ACO1: variants seen among roughly 807,000 people sequenced by gnomAD.
ACO1 encodes the protein aconitase 1.
In ACO1, 78 loss-of-function variants were observed where a neutral mutation model predicts 105.1. The observed-to-expected ratio is 0.74, with a 90% CI of 0.62 to 0.90. The LOEUF (loss-of-function observed/expected upper bound fraction) is 0.90. ACO1 is among the 40% of genes least tolerant of loss of function. The pLI is 0.00. For synonymous variants in ACO1, 364 were observed against 397.4 expected, an observed-to-expected ratio of 0.92 and a Z score of 1.00; for missense variants, 965 against 1,111.1, an observed-to-expected ratio of 0.87 and a Z score of 1.87.
rs1209199331 is a variant in ACO1, at chr9:32,434,770, T to C, written c.2099+69T>C. ...GAATGGAGTTAATGAGGCCAGCATT[T>C]CTCTTTTCACCTGGCCCTTTGGAAT... is the stretch of plus-strand genomic sequence containing the variant. On this transcript the variant is annotated intron_variant, in intron 17 of 20. Coordinates refer to ENST00000309951, the MANE Select transcript of ACO1 (RefSeq NM_002197.3). 6 of 1,569,456 alleles carry C rather than the reference T, an allele frequency of 3.8e-6. No individual in the cohort carries two copies. In the East Asian group the frequency reaches 1.4e-4, roughly 35 times the overall value.
chr9:32,408,519 T>C lies in ACO1; in HGVS notation c.272T>C (p.Val91Ala). ...TATTCTCTTTCTTCTCTTAGGGGTG[T>C]GCCCGCTGTGGTTGACTTTGCTGCA... ...ARVILQDFTG[V>A]PAVVDFAAMR... is the part of the protein sequence containing the mutation. The change falls in exon 4 of 21, where the codon GTG (valine) becomes GCG (alanine). Residue 91 changes from valine to alanine, a missense_variant. Transcript: ENST00000309951. The C allele has an allele frequency of 1.2e-6, 2 of 1,614,124 alleles. No homozygotes were observed. The highest frequency in any genetic ancestry group is 1.7e-6 in the Non-Finnish European group (2 of 1,180,004).
rs1821887190 is a variant in ACO1 at position 32,417,997 on chromosome 9, A to G, written c.405-131A>G. On this transcript the variant is annotated intron_variant, in intron 4 of 20. Transcript: ENST00000309951. ...CTCCTATTCTGCATTGTAAATAGTCATGAATGAAATTCATATTATCACTCA... is the reference window on the plus strand; with the variant it reads ...CTCCTATTCTGCATTGTAAATAGTCGTGAATGAAATTCATATTATCACTCA... The G allele has an allele frequency of 4.1e-5, 31 of 752,296 alleles. 1 individual carries two copies. In the South Asian group the frequency reaches 5.4e-4, roughly 13 times the overall value. The allele number at this position is 752,296 out of a possible 1,614,324, so 46.6% of individuals were successfully genotyped here.
intron 1 of ACO1, among the ~76,000 whole-genome samples, chr9:32,400,214 G>T (rs903450398): frequency 2.6e-5 from 4 of 151,938 alleles, no homozygotes; most frequent in African/African-American, 9.7e-5. Flanking sequence ...GAGGTGATCC[G>T]CCCATCTCGA....
At chr9:32,436,116 C>G (rs1277244930) in intron 17 of ACO1, 134 bp from the exon 18 acceptor site, 1 of 1,225,062 alleles carries the variant, frequency 8.2e-7, no homozygotes, top group Admixed American at 1.8e-5. Context: ...CCATGGAGAA[C>G]AATGCTTAGG....
At chr9:32,394,570 G>T (rs750037068) in intron 1 of ACO1, among the ~76,000 whole-genome samples, 4 of 152,216 alleles carry the variant, frequency 2.6e-5, no homozygotes, top group Non-Finnish European at 5.9e-5. Context: ...TAGAGCAGCT[G>T]TGCCATTGTG....
At chr9:32,447,262 T>G (rs1822635220) in intron 19 of ACO1, among the ~76,000 whole-genome samples, 1 of 152,210 alleles carries the variant, frequency 6.6e-6, no homozygotes, top group Non-Finnish European at 1.5e-5. Flanking sequence ...CTTTCTCTGT[T>G]TCTTTTCACT....
chr9:32,443,103 A>G (rs894376201), intron 19 of ACO1, among the ~76,000 whole-genome samples: 1 of 152,110 alleles, frequency 6.6e-6, no homozygotes, highest in African/African-American at 2.4e-5. Flanking sequence ...AGAAGCTTAT[A>G]ATTTGGGGTA....
chr9:32,413,849 A>G (rs1821794095), intron 4 of ACO1, among the ~76,000 whole-genome samples: 1 of 152,090 alleles, frequency 6.6e-6, no homozygotes, highest in South Asian at 2.1e-4. Context: ...TGTTCCTCCA[A>G]CAAGAATTTC....
intron 12 of ACO1, among the ~76,000 whole-genome samples, chr9:32,428,951 T>C (rs1000432977): frequency 2.6e-5 from 4 of 152,224 alleles, no homozygotes; most frequent in African/African-American, 9.6e-5. Context: ...GTGATAGGAA[T>C]TTTTCAGCTA....
chr9:32,450,015 C>G lies in ACO1; in HGVS notation c.2574C>G (p.Thr858=). 6.2e-7 allele frequency: 1 copy of G among 1,614,000 alleles called. No homozygotes were observed. Among genetic ancestry groups the G allele is most frequent in the Non-Finnish European group, 8.5e-7 (1 of 1,179,946 alleles). Residue 858 remains threonine, a synonymous_variant, in exon 21 of 21, where the codon ACC becomes ACG. Coordinates refer to ENST00000309951, the MANE Select transcript of ACO1 (RefSeq NM_002197.3). ...KVQVKLDTGK[T]FQAVMRFDTD... ...TGCCACAGCTGGATACTGGCAAGAC[C>G]TTCCAGGCTGTCATGAGGTTTGACA...
intron 11 of ACO1, among the ~76,000 whole-genome samples, chr9:32,426,402 G>C (rs1056697680): frequency 6.6e-6 from 1 of 152,202 alleles, no homozygotes; most frequent in Non-Finnish European, 1.5e-5. Context: ...TGAGGGCACA[G>C]GGCACTGGCT....
At position 32,450,733 on chromosome 9, in the gene ACO1, T is replaced by A. The variant is rs569112409; in HGVS notation, c.*622T>A. 6.6e-6 allele frequency: 1 copy of A among 151,560 alleles called. No homozygotes were observed. Among genetic ancestry groups the A allele is most frequent in the South Asian group, 2.1e-4 (1 of 4,824 alleles). The allele number at this position is 151,560 out of a possible 1,614,324, so 9.4% of individuals were successfully genotyped here. On this transcript the variant is annotated 3_prime_UTR_variant, in exon 21 of 21. Transcript: ENST00000309951. ...CCACATAAAAAGAAATGTGAAGTTT[T>A]CTTTTACTATCTTTTCATTTATCAA...
At chr9:32,433,464 G>A (rs1315315587) in intron 15 of ACO1, among the ~76,000 whole-genome samples, 3 of 152,034 alleles carry the variant, frequency 2.0e-5, no homozygotes, top group Non-Finnish European at 4.4e-5. Context: ...TTGAGCTGCT[G>A]GGCTCAAGCC....
In ACO1 at chr9:32,407,250, T is replaced by G; in HGVS notation, c.98-11T>G. 1 of 1,613,736 alleles carries G rather than the reference T, an allele frequency of 6.2e-7. No homozygotes were observed. Among genetic ancestry groups the G allele is most frequent in the African/African-American group, 1.3e-5 (1 of 75,024 alleles). On this transcript the variant is annotated splice_polypyrimidine_tract_variant and intron_variant, in intron 2 of 20. Coordinates refer to ENST00000309951, the MANE Select transcript of ACO1 (RefSeq NM_002197.3). ...ACAGGTTTTGTTTATTTTGTCATCC[T>G]TAACTCTTAGGGCGCTTACCATTTT... is the stretch of plus-strand genomic sequence containing the variant.
chr9:32,405,061 A>C (rs550708031), intron 1 of ACO1, among the ~76,000 whole-genome samples: 1 of 152,272 alleles, frequency 6.6e-6, no homozygotes, highest in African/African-American at 2.4e-5. Context: ...TGGGTCAGAC[A>C]CCTTTCCTCT....
Position 32,407,382 on chromosome 9 carries a change from C to T in ACO1, c.219C>T (p.Asn73=), listed in dbSNP as rs1413018113. The change falls in exon 3 of 21, where the codon AAC becomes AAT. Residue 73 remains asparagine, a synonymous_variant. Transcript: ENST00000309951. ...ATTGGAATGTCACGCAGCACAAGAACATAGAAGTGCCATTTAAGCCTGCTC... is the reference window on the plus strand; with the variant it reads ...ATTGGAATGTCACGCAGCACAAGAATATAGAAGTGCCATTTAAGCCTGCTC... The part of the protein sequence containing the change: ...ILHWNVTQHK[N]IEVPFKPARV... 1 of 1,614,154 alleles carries T rather than the reference C, an allele frequency of 6.2e-7. No homozygotes were observed. The highest frequency in any genetic ancestry group is 1.1e-5 in the South Asian group (1 of 91,082).
At position 32,405,195 on chromosome 9, in the gene ACO1, G is replaced by A. The variant is rs188081782; in HGVS notation, c.-22-290G>A. On this transcript the variant is annotated intron_variant, in intron 1 of 20. Coordinates refer to ENST00000309951, the MANE Select transcript of ACO1 (RefSeq NM_002197.3). ...TGCGCCCGTTACCGGTACCTGTGGC[G>A]TGTCCTGTCGCCTCCTGCACTAGCA... Among the ~76,000 whole-genome samples the A allele has an allele frequency of 1.6e-3, 238 of 152,322 alleles. 3 individuals carry two copies. Among genetic ancestry groups the A allele is most frequent in the Non-Finnish European group, 2.2e-4 (15 of 68,034 alleles).
intron 5 of ACO1, 38 bp from the exon 6 acceptor site, chr9:32,418,290 C>G: frequency 1.2e-6 from 2 of 1,612,798 alleles, no homozygotes; most frequent in South Asian, 1.1e-5. Context: ...AGAAGTACTT[C>G]ACGCGTTCAT....
rs375197282 is a variant in ACO1, at chr9:32,400,042, T to C, written c.-22-5443T>C. On this transcript the variant is annotated intron_variant, in intron 1 of 20. Transcript: ENST00000309951. ...CTGGAGTGCAATGGCACGATCTTGGTTCACTGCACCCTCCGCCTGCTGGGT... is the reference window on the plus strand; with the variant it reads ...CTGGAGTGCAATGGCACGATCTTGGCTCACTGCACCCTCCGCCTGCTGGGT... 2.1e-5 allele frequency among the ~76,000 whole-genome samples: 3 copies of C among 144,806 alleles called. No homozygotes were observed. In the East Asian group the frequency reaches 6.2e-4, roughly 30 times the overall value. The allele number at this position is 144,806 out of a possible 152,430, so 95.0% of individuals were successfully genotyped here.
Sources: gnomAD v4.1 joint callset for allele counts (sites outside exome capture counted in the v4.1 genomes callset) on GRCh38, gnomAD v4.1.1 for gene constraint, MANE v1.5 for transcripts, NCBI Gene and HGNC (gene_info 2026-07-23, HGNC 2026-07-21) for gene names.